Variants in PHF8 observed in about 807,000 individuals in gnomAD.
The protein encoded by PHF8 is histone lysine demethylase PHF8.
PHF8 carries 9 observed loss-of-function variants against 74.4 expected under a neutral mutation model. That is an observed-to-expected ratio of 0.12 (90% CI 0.07 to 0.21). The LOEUF is 0.21. Ranked by LOEUF, PHF8 falls within the 10% of genes least tolerant of loss-of-function variation. The probability of loss-of-function intolerance (pLI) is 1.00; values close to 1 mark genes in which losing one functional copy is unlikely to be tolerated. For synonymous variants in PHF8, 311 were observed against 316.6 expected (o/e 0.98, Z 0.19); for missense variants, 478 against 816.6 (o/e 0.59, Z 5.05).
At chrX:53,949,307 C>T (rs1288474131) in intron 19 of PHF8, among the ~76,000 whole-genome samples, 1 of 110,680 alleles carries the variant, frequency 9.0e-6, no homozygotes, top group Non-Finnish European at 1.9e-5. Flanking sequence ...TGCACTTCAG[C>T]CTGGGCGACA....
intron 18 of PHF8, among the ~76,000 whole-genome samples, chrX:53,976,721 T>C (rs1402309080): frequency 1.0e-5 from 1 of 99,009 alleles, no homozygotes; most frequent in Non-Finnish European, 2.0e-5. Context: ...CCAGCAAGAA[T>C]GGCAAAGGAA....
At chrX:53,987,966 A>G (rs782149747) in intron 14 of PHF8, 22 bp from the exon 15 acceptor site, 2 of 1,145,196 alleles carry the variant, frequency 1.7e-6, no homozygotes, top group East Asian at 6.0e-5. Context: ...GAGAACATAA[A>G]AACAGTCACT....
At chrX:53,996,827 G>A (rs782363392) in intron 11 of PHF8, among the ~76,000 whole-genome samples, 22 of 111,748 alleles carry the variant, frequency 2.0e-4, no homozygotes, top group African/African-American at 5.9e-4. Flanking sequence ...GATTACGGGC[G>A]TGAGCCACTG....
At chrX:53,944,040 A>G in intron 20 of PHF8, 94 bp downstream of exon 20, 1 of 547,246 alleles carries the variant, frequency 1.8e-6, no homozygotes, top group East Asian at 3.5e-5. Context: ...CCATTGAGAC[A>G]AAGGTGGGAT....
intron 18 of PHF8, among the ~76,000 whole-genome samples, chrX:53,968,622 G>T (rs1284379820): frequency 2.7e-5 from 3 of 112,451 alleles, no homozygotes; most frequent in African/African-American, 9.7e-5. Flanking sequence ...TAAAACTACA[G>T]GCCTCGCCGG....
At chrX:54,011,344 C>A in intron 7 of PHF8, 60 bp from the exon 8 acceptor site, 1 of 970,712 alleles carries the variant, frequency 1.0e-6, no homozygotes, top group Non-Finnish European at 1.5e-6. Context: ...AAGTCCTTAA[C>A]GGGTACTCCA....
rs782250508 is a variant in PHF8, at chrX:53,993,706, C to A, written c.1521G>T (p.Lys507Asn). 8.3e-7 allele frequency: 1 copy of A among 1,211,020 alleles called. No individual in the cohort carries two copies. Among genetic ancestry groups the A allele is most frequent in the Non-Finnish European group, 1.1e-6 (1 of 894,446 alleles). Reference sequence around the variant, plus strand: ...GCCCCAAGGCTGAACTCTCCTTGCCCTTTCGCTCTGCCTTCTTGAAGAGTT... The same window carrying A: ...GCCCCAAGGCTGAACTCTCCTTGCCATTTCGCTCTGCCTTCTTGAAGAGTT... ...PKELFKKAERKGKESSALGPA... is the reference protein window; with the variant it reads ...PKELFKKAERNGKESSALGPA... The change falls in exon 13 of 22, where the codon AAG (lysine) becomes AAT (asparagine). Residue 507 changes from lysine to asparagine, a missense_variant. By Grantham distance (94) the Lys-to-Asn change is moderately conservative. Around this residue, in one of 9 missense-constraint regions of PHF8, gnomAD observed 153 missense variants for 164.8 expected, o/e 0.93. Coordinates refer to ENST00000338154, the MANE Select transcript of PHF8 (RefSeq NM_015107.3).
intron 18 of PHF8, among the ~76,000 whole-genome samples, chrX:53,966,916 C>T (rs1297221952): frequency 4.3e-4 from 47 of 109,662 alleles, no homozygotes; most frequent in Non-Finnish European, 7.1e-4. Flanking sequence ...CGCCTCTGCC[C>T]GGTCGCGACC....
chrX:54,008,647 C>T (rs1300346007), intron 8 of PHF8, among the ~76,000 whole-genome samples: 11 of 110,321 alleles, frequency 1.0e-4, no homozygotes, highest in Non-Finnish European at 1.7e-4. Flanking sequence ...GCCAAGATCG[C>T]GCCACTGCAC....
chrX:54,047,526 G>A (rs2066639756), upstream of PHF8, among the ~76,000 whole-genome samples: 1 of 111,874 alleles, frequency 8.9e-6, no homozygotes, highest in Non-Finnish European at 1.9e-5. Flanking sequence ...CCTGCATGCA[G>A]CTGACAGTCT....
chrX:54,043,094 G>C, intron 1 of PHF8: 10 of 786,403 alleles, frequency 1.3e-5, no homozygotes, highest in Non-Finnish European at 1.4e-5. Context: ...ACTTCTTTCC[G>C]GGTTTCAAGA....
At chrX:53,951,476 A>G (rs1383419161) in intron 19 of PHF8, among the ~76,000 whole-genome samples, 1 of 110,750 alleles carries the variant, frequency 9.0e-6, no homozygotes, top group Non-Finnish European at 1.9e-5. Context: ...TTTTAGACGG[A>G]GTCTTGCTCC....
intron 13 of PHF8, 105 bp downstream of exon 13, chrX:53,993,496 G>T: frequency 1.6e-6 from 1 of 637,099 alleles, no homozygotes; most frequent in Non-Finnish European, 2.5e-6. Flanking sequence ...AACAGCAGGG[G>T]GTCTAAGGGA....
intron 19 of PHF8, among the ~76,000 whole-genome samples, chrX:53,946,899 A>G (rs782046594): frequency 8.9e-6 from 1 of 112,256 alleles, no homozygotes; most frequent in Non-Finnish European, 1.9e-5. Flanking sequence ...TTTGCTTTCA[A>G]GCAAAGAAAA....
intron 19 of PHF8, among the ~76,000 whole-genome samples, chrX:53,949,021 G>A (rs1028632085): frequency 9.2e-5 from 10 of 108,398 alleles, no homozygotes; most frequent in African/African-American, 2.4e-4. Flanking sequence ...GCGAAACTCC[G>A]TCTCAAAAAA....
intron 14 of PHF8, among the ~76,000 whole-genome samples, chrX:53,988,742 A>T (rs782210998): frequency 9.5e-4 from 95 of 99,797 alleles, no homozygotes; most frequent in African/African-American, 3.4e-3. Flanking sequence ...TTGCCTCAGC[A>T]AGACTCCGTC....
At chrX:54,043,281 A>G (rs1363688632) in intron 1 of PHF8, 2 of 180,932 alleles carry the variant, frequency 1.1e-5, no homozygotes, top group Admixed American at 1.9e-4. Context: ...CCAACCAGAG[A>G]GAGATAAGGG....
chrX:54,013,430 G>A (rs1485376066), intron 7 of PHF8, among the ~76,000 whole-genome samples: 2 of 111,443 alleles, frequency 1.8e-5, no homozygotes, highest in African/African-American at 6.5e-5. Context: ...CAATAATGTT[G>A]GAGAAAGGGA....
chrX:53,953,741 CAT>C (rs1557087798), intron 19 of PHF8, among the ~76,000 whole-genome samples: 1 of 109,097 alleles, frequency 9.2e-6, no homozygotes. Flanking sequence ...AAATAAGACA[CAT>C]AGAAAACAAA....
Sources: allele counts gnomAD v4.1 joint callset (sites outside exome capture counted in the v4.1 genomes callset), GRCh38; gene constraint gnomAD v4.1.1; regional missense constraint gnomAD v4.1.1; transcripts MANE v1.5; gene names NCBI Gene and HGNC (gene_info 2026-07-23, HGNC 2026-07-21).